The following PLEKHA7 variants were observed in gnomAD, a reference collection of about 807,000 sequenced individuals.
PLEKHA7 encodes pleckstrin homology domain-containing family A member 7.
Under a neutral mutation model 170.0 loss-of-function variants are expected in PLEKHA7, and 104 were observed. The observed-to-expected ratio is 0.61, with a 90% CI of 0.52 to 0.72. PLEKHA7 has a LOEUF of 0.72. Among genes scored for constraint, PLEKHA7 ranks in the 30% least tolerant of loss-of-function variants. The pLI is 0.00. For missense variants in PLEKHA7, 1,615 were observed against 1,671.7 expected (o/e 0.97, Z 0.59); for synonymous variants, 648 against 660.8 (o/e 0.98, Z 0.30).
intron 3 of PLEKHA7, among the ~76,000 whole-genome samples, chr11:16,872,550 C>T (rs1336415303): frequency 6.6e-6 from 1 of 152,066 alleles, no homozygotes; most frequent in African/African-American, 2.4e-5. Context: ...GACCGGGTCC[C>T]GCTCTGTTGC....
At chr11:17,000,680 G>A (rs1230373330) in intron 3 of PLEKHA7, among the ~76,000 whole-genome samples, 1 of 152,272 alleles carries the variant, frequency 6.6e-6, no homozygotes, top group East Asian at 1.9e-4. Flanking sequence ...TATATAGCAT[G>A]TACAAGTTGC....
chr11:16,947,847 C>CAT (rs1227908427), intron 3 of PLEKHA7, among the ~76,000 whole-genome samples: 15 of 140,450 alleles, frequency 1.1e-4, no homozygotes, highest in African/African-American at 4.0e-4. Context: ...GCCTTGGAGG[C>CAT]AGAGGCTGCA....
intron 10 of PLEKHA7, among the ~76,000 whole-genome samples, chr11:16,821,795 G>C (rs979280049): frequency 6.6e-6 from 1 of 152,130 alleles, no homozygotes; most frequent in Non-Finnish European, 1.5e-5. Flanking sequence ...GAGACACTTT[G>C]CTCACTTAAA....
chr11:16,804,364 A>G (rs1017636274), intron 13 of PLEKHA7, among the ~76,000 whole-genome samples: 2 of 152,008 alleles, frequency 1.3e-5, no homozygotes, highest in Non-Finnish European at 2.9e-5. Flanking sequence ...AGAGGTGTAG[A>G]TTTCTCCCCA....
At chr11:16,894,511 G>A (rs565831684) in intron 3 of PLEKHA7, among the ~76,000 whole-genome samples, 1 of 152,302 alleles carries the variant, frequency 6.6e-6, no homozygotes, top group East Asian at 1.9e-4. Flanking sequence ...AGGCAAGATG[G>A]CAGGGTGAGC....
At chr11:16,785,071 TCAA>T (rs1223176730) in intron 24 of PLEKHA7, among the ~76,000 whole-genome samples, 1 of 152,112 alleles carries the variant, frequency 6.6e-6, no homozygotes, top group African/African-American at 2.4e-5. Flanking sequence ...ACCCCAAAAC[TCAA>T]CAACTGTACA....
chr11:16,871,202 A>G lies in PLEKHA7; in HGVS notation c.222-20T>C, dbSNP rs1213201556. ...TTATGGCTAAAGAGAAAGAGAGAAG[A>G]TGGATGAGAATTCGTGTGAATGGAA... is the stretch of plus-strand genomic sequence containing the variant. On this transcript the variant is annotated intron_variant, in intron 3 of 26. Coordinates refer to ENST00000531066, the MANE Select transcript of PLEKHA7 (RefSeq NM_001329630.2). The G allele has an allele frequency of 1.3e-6, 2 of 1,567,138 alleles. No individual in the cohort carries two copies. The highest frequency in any genetic ancestry group is 1.7e-5 in the Admixed American group (1 of 59,878).
intron 3 of PLEKHA7, among the ~76,000 whole-genome samples, chr11:16,978,264 T>C (rs755051194): frequency 2.6e-5 from 4 of 152,240 alleles, no homozygotes; most frequent in Non-Finnish European, 5.9e-5. Flanking sequence ...AGGCCTTTTG[T>C]TCACGTCCCT....
At chr11:16,885,830 C>T (rs1451431257) in intron 3 of PLEKHA7, among the ~76,000 whole-genome samples, 5 of 150,762 alleles carry the variant, frequency 3.3e-5, no homozygotes, top group Non-Finnish European at 1.5e-5. Context: ...CCCATCTCTA[C>T]TAAAAATACA....
chr11:16,958,533 G>A (rs1452341444), intron 3 of PLEKHA7, among the ~76,000 whole-genome samples: 1 of 152,220 alleles, frequency 6.6e-6, no homozygotes, highest in African/African-American at 2.4e-5. Flanking sequence ...ATTAACTCTG[G>A]ATGGAGGAAT....
chr11:16,914,287 A>G (rs988841759), intron 3 of PLEKHA7, among the ~76,000 whole-genome samples: 1 of 152,224 alleles, frequency 6.6e-6, no homozygotes, highest in African/African-American at 2.4e-5. Flanking sequence ...ACATTATTTG[A>G]ATAATTAGAA....
chr11:16,967,490 G>A (rs1170434225), intron 3 of PLEKHA7, among the ~76,000 whole-genome samples: 2 of 152,202 alleles, frequency 1.3e-5, no homozygotes, highest in Non-Finnish European at 2.9e-5. Context: ...GCCACACAGG[G>A]GAAGGTGAGG....
At chr11:16,984,614 C>A (rs1209341630) in intron 3 of PLEKHA7, among the ~76,000 whole-genome samples, 2 of 152,194 alleles carry the variant, frequency 1.3e-5, no homozygotes, top group African/African-American at 4.8e-5. Flanking sequence ...TCCACTCTCA[C>A]ACCCAGGCCT....
At chr11:16,984,146 G>T (rs1034180156) in intron 3 of PLEKHA7, among the ~76,000 whole-genome samples, 1 of 152,014 alleles carries the variant, frequency 6.6e-6, no homozygotes, top group African/African-American at 2.4e-5. Flanking sequence ...CAGGTACTGT[G>T]TTAAACATGC....
intron 8 of PLEKHA7, among the ~76,000 whole-genome samples, chr11:16,847,977 G>A (rs1005084207): frequency 2.0e-5 from 3 of 152,150 alleles, no homozygotes; most frequent in Non-Finnish European, 4.4e-5. Context: ...AGGCTGCAGA[G>A]GAGTTCCAAG....
chr11:17,012,796 C>T (rs9783287), intron 3 of PLEKHA7, among the ~76,000 whole-genome samples: 7,947 of 152,266 alleles, frequency 0.052, 401 homozygotes, highest in East Asian at 0.15. Context: ...CTGATGGCCC[C>T]AGCCAACTCC....
At chr11:16,936,071 T>G (rs1318035029) in intron 3 of PLEKHA7, among the ~76,000 whole-genome samples, 1 of 152,064 alleles carries the variant, frequency 6.6e-6, no homozygotes, top group East Asian at 1.9e-4. Context: ...CCTTGCTGAA[T>G]AGAGAAAGTT....
At chr11:16,905,566 C>T (rs560908703) in intron 3 of PLEKHA7, among the ~76,000 whole-genome samples, 2 of 152,128 alleles carry the variant, frequency 1.3e-5, no homozygotes, top group Non-Finnish European at 2.9e-5. Flanking sequence ...AAAATGAGGC[C>T]CTCTGGGGTG....
chr11:17,007,442 C>T (rs1477385365), intron 3 of PLEKHA7, among the ~76,000 whole-genome samples: 1 of 152,106 alleles, frequency 6.6e-6, no homozygotes, highest in Non-Finnish European at 1.5e-5. Context: ...CCTGGCTCAG[C>T]CTCCCAAGTA....
Sources: gnomAD v4.1 joint callset for allele counts (sites outside exome capture counted in the v4.1 genomes callset) on GRCh38, gnomAD v4.1.1 for gene constraint, MANE v1.5 for transcripts, NCBI Gene and HGNC (gene_info 2026-07-23, HGNC 2026-07-21) for gene names.